The following CDH12 variants were observed in gnomAD, a reference collection of about 807,000 sequenced individuals.
The protein encoded by CDH12 is cadherin-12.
In CDH12, 41 loss-of-function variants were observed where a neutral mutation model predicts 74.1. The observed-to-expected ratio is 0.55, with a 90% CI of 0.43 to 0.72. CDH12 has a LOEUF of 0.72. Among genes scored for constraint, CDH12 ranks in the 30% least tolerant of loss-of-function variants. CDH12 has a pLI of 0.00. For synonymous variants in CDH12, 399 were observed against 355.0 expected (o/e 1.12, Z -1.39); for missense variants, 945 against 977.2 (o/e 0.97, Z 0.44).
At chr5:22,336,396 A>G (rs961968653) in intron 3 of CDH12, among the ~76,000 whole-genome samples, 1 of 152,192 alleles carries the variant, frequency 6.6e-6, no homozygotes, top group Non-Finnish European at 1.5e-5. Context: ...ACAAGGGGGA[A>G]AATATCTCCA....
chr5:22,713,612 T>A (rs1743410510), intron 1 of CDH12, among the ~76,000 whole-genome samples: 2 of 151,838 alleles, frequency 1.3e-5, no homozygotes, highest in Non-Finnish European at 2.9e-5. Flanking sequence ...AATTATCGAT[T>A]AGAGATATGT....
intron 1 of CDH12, among the ~76,000 whole-genome samples, chr5:22,802,119 ATTTTTTTT>A (rs397883677): frequency 1.6e-4 from 20 of 123,548 alleles, no homozygotes; most frequent in African/African-American, 5.8e-4. Context: ...TTAAATTCGT[ATTTTTTTT>A]TTTTTTTTTT....
chr5:21,839,289 ACTCT>A (rs1027513631), intron 8 of CDH12, among the ~76,000 whole-genome samples: 3 of 151,822 alleles, frequency 2.0e-5, no homozygotes, highest in Non-Finnish European at 1.5e-5. Context: ...TTGCTTTAAG[ACTCT>A]CTGTGTTATT....
At chr5:21,753,172 T>C (rs1324276962) in intron 14 of CDH12, among the ~76,000 whole-genome samples, 3 of 152,156 alleles carry the variant, frequency 2.0e-5, no homozygotes, top group Non-Finnish European at 4.4e-5. Flanking sequence ...TAATGTGTGT[T>C]TGATTTACCA....
In CDH12 at chr5:22,625,711, G is replaced by A. The variant is rs557828903; in HGVS notation, c.-522-120347C>T. 4.4e-4 allele frequency among the ~76,000 whole-genome samples: 67 copies of A among 152,198 alleles called. No homozygotes were observed. The South Asian group carries it at 0.011, about 25-fold the overall frequency. On this transcript the variant is annotated intron_variant, in intron 1 of 14. Coordinates refer to ENST00000382254, the MANE Select transcript of CDH12 (RefSeq NM_004061.5). ...TTTCCTGGGGCCCCAACCTGCCCAC[G>A]CATGCTTGCAGGGCATATTTGAATG... is the stretch of plus-strand genomic sequence containing the variant.
intron 4 of CDH12, among the ~76,000 whole-genome samples, chr5:22,101,039 C>A (rs1231759268): frequency 2.0e-5 from 3 of 151,904 alleles, no homozygotes; most frequent in Admixed American, 2.0e-4. Flanking sequence ...GCATTGAAAT[C>A]ACTATTTTTA....
At chr5:21,757,606 G>C (rs762394279) in intron 13 of CDH12, among the ~76,000 whole-genome samples, 2 of 151,994 alleles carry the variant, frequency 1.3e-5, no homozygotes, top group Non-Finnish European at 2.9e-5. Context: ...ATAAAACAAG[G>C]AACATGGTAA....
chr5:22,307,920 G>T lies in CDH12; in HGVS notation c.-332-95277C>A, dbSNP rs1412418637. 3.8e-5 allele frequency among the ~76,000 whole-genome samples: 4 copies of T among 106,160 alleles called. No individual in the cohort carries two copies. The South Asian group carries it at 9.8e-4, about 26-fold the overall frequency. 69.6% of individuals were successfully genotyped at this position (106,160 alleles called of 152,430 possible). ...TTTTGAGACAGAGTCTCACTCTGTC[G>T]CCCAGGCTGGAGTGCAGTGGCGCGA... On this transcript the variant is annotated intron_variant, in intron 3 of 14. Coordinates refer to ENST00000382254, the MANE Select transcript of CDH12 (RefSeq NM_004061.5).
rs1740278698 is a variant in CDH12, at chr5:22,660,328, A to G, written c.-522-154964T>C. Among the ~76,000 whole-genome samples, 3 of 152,234 alleles carry G rather than the reference A, an allele frequency of 2.0e-5. No homozygotes were observed. In the South Asian group the frequency reaches 6.2e-4, roughly 31 times the overall value. ...GTTATGACTATGCATTGGTTATTAAATGATAGTGCATGCTATATAACAGGA... is the reference window on the plus strand; with the variant it reads ...GTTATGACTATGCATTGGTTATTAAGTGATAGTGCATGCTATATAACAGGA... On this transcript the variant is annotated intron_variant, in intron 1 of 14. Coordinates refer to ENST00000382254, the MANE Select transcript of CDH12 (RefSeq NM_004061.5).
At chr5:21,949,318 G>T (rs1381959205) in intron 6 of CDH12, among the ~76,000 whole-genome samples, 1 of 151,664 alleles carries the variant, frequency 6.6e-6, no homozygotes, top group Non-Finnish European at 1.5e-5. Flanking sequence ...GGCCTGGTGG[G>T]GGGCGCCTAT....
chr5:22,287,897 G>T (rs1737225889), intron 3 of CDH12, among the ~76,000 whole-genome samples: 1 of 152,040 alleles, frequency 6.6e-6, no homozygotes, highest in South Asian at 2.1e-4. Context: ...CTAGAGAAGG[G>T]TGTCCATTTC....
intron 6 of CDH12, among the ~76,000 whole-genome samples, chr5:21,887,363 A>G (rs1178060138): frequency 6.6e-6 from 1 of 152,204 alleles, no homozygotes; most frequent in African/African-American, 2.4e-5. Context: ...TATAATATCA[A>G]AGCTATAACA....
intron 6 of CDH12, among the ~76,000 whole-genome samples, chr5:21,916,819 C>A (rs1386323736): frequency 4.6e-5 from 7 of 152,190 alleles, no homozygotes; most frequent in Non-Finnish European, 7.3e-5. Context: ...CCCCACTAGG[C>A]ATTTTGTCTC....
intron 8 of CDH12, among the ~76,000 whole-genome samples, chr5:21,841,600 A>T (rs1749856552): frequency 6.6e-6 from 1 of 150,616 alleles, no homozygotes; most frequent in African/African-American, 2.4e-5. Flanking sequence ...AAAGACTTGG[A>T]ACCAACCCAA....
chr5:22,423,019 C>T (rs1440619794), intron 2 of CDH12, among the ~76,000 whole-genome samples: 1 of 151,942 alleles, frequency 6.6e-6, no homozygotes, highest in African/African-American at 2.4e-5. Flanking sequence ...CCCAATTGTG[C>T]TATCAAATAC....
chr5:21,776,645 A>G (rs1478608630), intron 11 of CDH12, among the ~76,000 whole-genome samples: 2 of 152,144 alleles, frequency 1.3e-5, no homozygotes, highest in African/African-American at 2.4e-5. Context: ...CACCCCATTT[A>G]TAATTAAGAT....
intron 5 of CDH12, among the ~76,000 whole-genome samples, chr5:22,031,186 T>C (rs1738794255): frequency 6.6e-6 from 1 of 151,816 alleles, no homozygotes; most frequent in East Asian, 1.9e-4. Flanking sequence ...TAGAAAAAAT[T>C]AGCCAGGCGT....
In CDH12 at chr5:22,289,215, G is replaced by A. The variant is rs895263153; in HGVS notation, c.-332-76572C>T. 9.9e-5 allele frequency among the ~76,000 whole-genome samples: 15 copies of A among 152,046 alleles called. 1 individual carries two copies. The highest frequency in any genetic ancestry group is 8.3e-4 in the South Asian group (4 of 4,832). ...ATTGATGAAAAATGACAAACAAGTCGTAATACCCTGATACAAATCTTTAAT... is the reference window on the plus strand; with the variant it reads ...ATTGATGAAAAATGACAAACAAGTCATAATACCCTGATACAAATCTTTAAT... On this transcript the variant is annotated intron_variant, in intron 3 of 14. Transcript: ENST00000382254.
intron 5 of CDH12, among the ~76,000 whole-genome samples, chr5:22,005,527 C>T (rs1736895815): frequency 6.6e-6 from 1 of 151,584 alleles, no homozygotes. Flanking sequence ...AAAATGCAAC[C>T]TGCTTTGACC....
Sources: gnomAD v4.1 joint callset for allele counts (sites outside exome capture counted in the v4.1 genomes callset) on GRCh38, gnomAD v4.1.1 for gene constraint, MANE v1.5 for transcripts, NCBI Gene and HGNC (gene_info 2026-07-23, HGNC 2026-07-21) for gene names.